Variants in CYP4A11 observed in about 807,000 individuals in gnomAD.
CYP4A11 encodes cytochrome P450 4A11.
Under a neutral mutation model 57.7 loss-of-function variants are expected in CYP4A11, and 52 were observed. The ratio of observed to expected loss-of-function variants is 0.90; its 90% CI spans 0.72 to 1.14. CYP4A11 has a LOEUF of 1.14. Among genes scored for constraint, CYP4A11 ranks in the 50% most tolerant of loss-of-function variants. The pLI is 0.00. For missense variants in CYP4A11, 641 were observed against 642.1 expected, an observed-to-expected ratio of 1.00 and a Z score of 0.02; for synonymous variants, 228 against 247.1, an observed-to-expected ratio of 0.92 and a Z score of 0.72.
rs763466642 is a variant in CYP4A11, at chr1:46,930,073, C to T, written c.*42G>A. ...AGGATATGGGCAGACAGGAAGGGGA[C>T]AGAAGCGGGGGTCAGGAAGACAGGA... On this transcript the variant is annotated 3_prime_UTR_variant, in exon 12 of 12. Transcript: ENST00000310638. The T allele has an allele frequency of 3.8e-6, 6 of 1,574,578 alleles. No individual in the cohort carries two copies. The highest frequency in any genetic ancestry group is 4.5e-5 in the East Asian group (2 of 44,202).
rs773396769 is a variant in CYP4A11, at chr1:46,936,696, C to A, written c.478G>T (p.Gly160Trp). The change falls in exon 4 of 12, where the codon GGG becomes TGG. Residue 160 changes from glycine (G) to tryptophan (W), a missense_variant. Gly to Trp is a radical substitution (Grantham distance 184). Coordinates refer to ENST00000310638, the MANE Select transcript of CYP4A11 (RefSeq NM_000778.4). ...FHYDILKPYVGLMADSVRVML... is the reference protein window; with the variant it reads ...FHYDILKPYVWLMADSVRVML... ...ACTCGTACAGAGTCTGCCATGAGCC[C>A]CACATAGGGCTTCAGGATGTCATAG... 1.2e-6 allele frequency: 2 copies of A among 1,612,780 alleles called. No individual in the cohort carries two copies. Among genetic ancestry groups the A allele is most frequent in the Non-Finnish European group, 1.7e-6 (2 of 1,179,460 alleles).
At chr1:46,932,643 C>A in intron 11 of CYP4A11, 118 bp downstream of exon 11, 1 of 1,588,628 alleles carries the variant, frequency 6.3e-7, no homozygotes. Context: ...CCACAAATAC[C>A]AACATTTAAG....
In CYP4A11 at chr1:46,934,023, A is replaced by T. The variant is rs772865981; in HGVS notation, c.1145T>A (p.Leu382His). The change falls in exon 9 of 12, where the codon CTC becomes CAC. Residue 382 changes from leucine (L) to histidine (H), a missense_variant. Leu to His is a moderately conservative substitution (Grantham distance 99). Transcript: ENST00000310638. ...TTMCIKEALR[L>H]YPPVPGIGRE... ...GCCAATGCCTGGCACCGGTGGGTAG[A>T]GCCTCAGTGCCTCCTTAATGCACAT... 6.2e-7 allele frequency: 1 copy of T among 1,613,766 alleles called. No individual in the cohort carries two copies. The highest frequency in any genetic ancestry group is 8.5e-7 in the Non-Finnish European group (1 of 1,179,970).
chr1:46,941,238 C>A lies in CYP4A11; in HGVS notation c.195+1G>T, dbSNP rs776363366. 6.2e-7 allele frequency: 1 copy of A among 1,611,740 alleles called. No homozygotes were observed. The highest frequency in any genetic ancestry group is 1.3e-5 in the African/African-American group (1 of 75,006). On this transcript the variant is annotated splice_donor_variant, in intron 1 of 11. Coordinates refer to ENST00000310638, the MANE Select transcript of CYP4A11 (RefSeq NM_000778.4). LOFTEE classifies it high-confidence loss of function. ...CACTCCCCCATTGAGTTCCTCCCTACCTCCTGGATGTGCCCGAAGAGCCAG... is the reference window on the plus strand; with the variant it reads ...CACTCCCCCATTGAGTTCCTCCCTAACTCCTGGATGTGCCCGAAGAGCCAG...
In CYP4A11 at chr1:46,934,644, G is replaced by T. The variant is rs551526923; in HGVS notation, c.791-85C>A. On this transcript the variant is annotated intron_variant, in intron 6 of 11. Transcript: ENST00000310638. Reference sequence around the variant, plus strand: ...TAGCTGCCCAACTGCCCCAGTGTGGGTGCCTGGTAGATCTCAGCATGAATG... The same window carrying T: ...TAGCTGCCCAACTGCCCCAGTGTGGTTGCCTGGTAGATCTCAGCATGAATG... 2.4e-4 allele frequency: 313 copies of T among 1,289,880 alleles called. 1 individual carries two copies. Among genetic ancestry groups the T allele is most frequent in the Middle Eastern group, 1.9e-4 (1 of 5,178 alleles). 79.9% of individuals were successfully genotyped at this position (1,289,880 alleles called of 1,614,324 possible).
At position 46,932,064 on chromosome 1, in the gene CYP4A11, C is replaced by T. The variant is rs546481221; in HGVS notation, c.1364+697G>A. On this transcript the variant is annotated intron_variant, in intron 11 of 11. Transcript: ENST00000310638. ...ATATTGTGCTAAGTGGATTACAGGA[C>T]TATGGTATAAAGATCTCAAGGCATG... 74 of 979,084 alleles carry T rather than the reference C, an allele frequency of 7.6e-5. No homozygotes were observed. In the South Asian group the frequency reaches 3.1e-3, roughly 41 times the overall value. The allele number at this position is 979,084 out of a possible 1,614,324, so 60.6% of individuals were successfully genotyped here. A position where few individuals can be genotyped will look rare whatever the true frequency, so the allele number is the denominator to read the frequency against.
chr1:46,941,018 G>T (rs1237746380), intron 1 of CYP4A11: 1 of 983,336 alleles, frequency 1.0e-6, no homozygotes, highest in African/African-American at 1.7e-5. Context: ...TCTGCAGAAG[G>T]AGGGCACGGG....
At chr1:46,939,587 C>G (rs1354199120) in intron 1 of CYP4A11, among the ~76,000 whole-genome samples, 3 of 152,204 alleles carry the variant, frequency 2.0e-5, no homozygotes. Context: ...GAATCCCACA[C>G]TTATGACACT....
At chr1:46,932,692 C>T in intron 11 of CYP4A11, 69 bp downstream of exon 11, 1 of 1,612,950 alleles carries the variant, frequency 6.2e-7, no homozygotes, top group African/African-American at 1.3e-5. Flanking sequence ...ATCAGGCTCA[C>T]AAAGATCAGA....
Position 46,930,054 on chromosome 1 carries a change from T to A in CYP4A11, c.*61A>T, listed in dbSNP as rs9333037. 12,619 of 1,540,286 alleles carry A rather than the reference T, an allele frequency of 8.2e-3. 730 individuals are homozygous for A. In the African/African-American group the frequency reaches 0.13, roughly 16 times the overall value. On this transcript the variant is annotated 3_prime_UTR_variant, in exon 12 of 12. Transcript: ENST00000310638. ...AGGTGGGCAGACAGAAAACAGGATA[T>A]GGGCAGACAGGAAGGGGACAGAAGC...
At chr1:46,933,119 G>T in intron 9 of CYP4A11, 72 bp from the exon 10 acceptor site, 1 of 1,586,034 alleles carries the variant, frequency 6.3e-7, no homozygotes, top group Non-Finnish European at 8.6e-7. Flanking sequence ...CAGCCAGCAG[G>T]CACAAAAGAA....
rs1207136796 is a variant in CYP4A11 at position 46,930,285 on chromosome 1, T to G, written c.1390A>C (p.Met464Leu). ...SRNCIGKQFA[M>L]NELKVATALT... is the part of the protein sequence containing the mutation. ...GCCGTGGCCACCTTCAGCTCGTTCA[T>G]GGCAAATTGTTTCCCGATGCAGTTC... The change falls in exon 12 of 12, where the codon ATG becomes CTG. Residue 464 changes from methionine to leucine, a missense_variant. By Grantham distance (15) the Met-to-Leu change is conservative. Transcript: ENST00000310638. 2 of 1,613,444 alleles carry G rather than the reference T, an allele frequency of 1.2e-6. No individual in the cohort carries two copies. The highest frequency in any genetic ancestry group is 1.3e-5 in the African/African-American group (1 of 74,912).
At chr1:46,938,170 A>G (rs1409137722) in intron 1 of CYP4A11, 33 bp from the exon 2 acceptor site, 12 of 1,613,738 alleles carry the variant, frequency 7.4e-6, no homozygotes, top group Non-Finnish European at 8.5e-6. Flanking sequence ...GAACACTTTC[A>G]TTTACTTCTA....
chr1:46,941,091 A>C lies in CYP4A11; in HGVS notation c.195+148T>G, dbSNP rs535653807. The C allele has an allele frequency of 1.3e-4, 179 of 1,414,010 alleles. 5 individuals are homozygous for C. In the South Asian group the frequency reaches 2.6e-3, roughly 21 times the overall value. 87.6% of individuals were successfully genotyped at this position (1,414,010 alleles called of 1,614,324 possible). ...AGAAGTGAGCTCCTCATGACTGGGAAAAGCTGAGACCAGAGAGGTAGGCTG... is the reference window on the plus strand; with the variant it reads ...AGAAGTGAGCTCCTCATGACTGGGACAAGCTGAGACCAGAGAGGTAGGCTG... On this transcript the variant is annotated intron_variant, in intron 1 of 11. Transcript: ENST00000310638.
chr1:46,936,164 G>A (rs1681376362), intron 4 of CYP4A11, among the ~76,000 whole-genome samples: 1 of 152,228 alleles, frequency 6.6e-6, no homozygotes, highest in South Asian at 2.1e-4. Flanking sequence ...GTCCTGACTG[G>A]AGATGATGCT....
At chr1:46,940,192 C>T (rs1681665989) in intron 1 of CYP4A11, among the ~76,000 whole-genome samples, 2 of 152,182 alleles carry the variant, frequency 1.3e-5, no homozygotes, top group East Asian at 3.9e-4. Flanking sequence ...TGTGTCCAAT[C>T]TTTTGGCTTT....
intron 11 of CYP4A11, among the ~76,000 whole-genome samples, chr1:46,930,697 C>T (rs1351728508): frequency 6.6e-6 from 1 of 152,204 alleles, no homozygotes; most frequent in African/African-American, 2.4e-5. Flanking sequence ...AGTTCAGGTC[C>T]TGTAGGGTGA....
rs1319229513 is a variant in CYP4A11, at chr1:46,935,420, C to T, written c.635+103G>A. The T allele has an allele frequency of 1.9e-5, 29 of 1,518,846 alleles. 1 individual carries two copies. Among genetic ancestry groups the T allele is most frequent in the Non-Finnish European group, 2.5e-5 (28 of 1,133,530 alleles). 94.1% of individuals were successfully genotyped at this position (1,518,846 alleles called of 1,614,324 possible). ...GAGTTTGGTCAGGGACTGACTCTTC[C>T]TTTGTGTGGCGGTGAGCCTTCACGC... On this transcript the variant is annotated intron_variant, in intron 5 of 11. Transcript: ENST00000310638.
rs2148448971 is a variant in CYP4A11 at position 46,930,157 on chromosome 1, G to A, written c.1518C>T (p.Leu506=). 2 of 1,614,038 alleles carry A rather than the reference G, an allele frequency of 1.2e-6. No individual in the cohort carries two copies. Among genetic ancestry groups the A allele is most frequent in the Middle Eastern group, 1.7e-4 (1 of 6,056 alleles). The change falls in exon 12 of 12, where the codon CTC becomes CTT. Residue 506 remains leucine, a synonymous_variant. Coordinates refer to ENST00000310638, the MANE Select transcript of CYP4A11 (RefSeq NM_000778.4). ...LKSKNGIHLR[L]RRLPNPCEDK... is the part of the protein sequence containing the mutation. ...CTTCACAAGGGTTAGGGAGCCTCCTGAGACGCAGGTGGATTCCATTTTTGG... is the reference window on the plus strand; with the variant it reads ...CTTCACAAGGGTTAGGGAGCCTCCTAAGACGCAGGTGGATTCCATTTTTGG...
Sources: gnomAD v4.1 joint callset for allele counts (sites outside exome capture counted in the v4.1 genomes callset) on GRCh38, gnomAD v4.1.1 for gene constraint, MANE v1.5 for transcripts, NCBI Gene and HGNC (gene_info 2026-07-23, HGNC 2026-07-21) for gene names.